The following ATP7B variants were observed in gnomAD, a reference collection of about 807,000 sequenced individuals.
The protein encoded by ATP7B is copper-transporting ATPase 2.
A neutral mutation model predicts 118.9 loss-of-function variants in ATP7B; 113 were observed. The observed-to-expected ratio is 0.95, with a 90% CI of 0.82 to 1.11. ATP7B has a LOEUF of 1.11. ATP7B is among the 50% of genes most tolerant of loss of function. ATP7B has a pLI of 0.00. For missense variants in ATP7B, 1,867 were observed against 1,871.4 expected (o/e 1.00, Z 0.04); for synonymous variants, 777 against 727.4 (o/e 1.07, Z -1.10).
chr13:51,958,155 T>G lies in ATP7B; in HGVS notation c.2355+156A>C, dbSNP rs188566058. 3.4e-5 allele frequency: 28 copies of G among 815,056 alleles called. No homozygotes were observed. In the East Asian group the frequency reaches 7.2e-4, roughly 21 times the overall value. The allele number at this position is 815,056 out of a possible 1,614,324, so 50.5% of individuals were successfully genotyped here. A position where few individuals can be genotyped will look rare whatever the true frequency, so the allele number is the denominator to read the frequency against. ...CAGAAGTAGTGACCAATTTGGAGATTAGTGACTAGAGCACCTTAATTATAT... is the reference window on the plus strand; with the variant it reads ...CAGAAGTAGTGACCAATTTGGAGATGAGTGACTAGAGCACCTTAATTATAT... On this transcript the variant is annotated intron_variant, in intron 8 of 20. Coordinates refer to ENST00000242839, the MANE Select transcript of ATP7B (RefSeq NM_000053.4).
At position 51,950,153 on chromosome 13, in the gene ATP7B, T is replaced by C. The variant is rs762128435; in HGVS notation, c.2584A>G (p.Met862Val). The C allele has an allele frequency of 1.2e-6, 2 of 1,614,216 alleles. No individual in the cohort carries two copies. The highest frequency in any genetic ancestry group is 2.2e-5 in the East Asian group (1 of 44,880). Residue 862 changes from methionine (M) to valine (V), a missense_variant, in exon 11 of 21, where the codon ATG (methionine) becomes GTG (valine). Physicochemically the swap from Met to Val is conservative, Grantham distance 21. Transcript: ENST00000242839. ...CTTCCGGGTTTCTTAGTGACTGGCATGGCTTCTCCTAGACGTAGGAAAGAG... is the reference window on the plus strand; with the variant it reads ...CTTCCGGGTTTCTTAGTGACTGGCACGGCTTCTCCTAGACGTAGGAAAGAG... Reference protein sequence around the residue: ...ADESLITGEAMPVTKKPGSTV... With the variant: ...ADESLITGEAVPVTKKPGSTV...
chr13:51,986,360 A>G (rs1952650215), intron 1 of ATP7B, among the ~76,000 whole-genome samples: 1 of 152,228 alleles, frequency 6.6e-6, no homozygotes, highest in Non-Finnish European at 1.5e-5. Context: ...CAAAGTCTAA[A>G]CTAGGAAGAA....
chr13:51,978,999 A>T lies in ATP7B; in HGVS notation c.52-3831T>A, dbSNP rs1052032093. ...GGCTCAGATGAGGCTGTTGGCAGGG[A>T]CCCGGTTCTCTTCCATGTGGCTTCT... On this transcript the variant is annotated intron_variant, in intron 1 of 20. Coordinates refer to ENST00000242839, the MANE Select transcript of ATP7B (RefSeq NM_000053.4). The T allele has an allele frequency of 3.9e-5, 6 of 152,270 alleles. 1 individual carries two copies. The highest frequency in any genetic ancestry group is 1.4e-4 in the African/African-American group (6 of 41,422). 9.4% of individuals were successfully genotyped at this position (152,270 alleles called of 1,614,324 possible).
intron 11 of ATP7B, 41 bp downstream of exon 11, chr13:51,949,966 A>G (rs761600447): frequency 6.2e-7 from 1 of 1,614,046 alleles, no homozygotes; most frequent in Non-Finnish European, 8.5e-7. Context: ...TAATTTCTAA[A>G]ACGAGAAAGA....
Position 51,958,535 on chromosome 13 carries a change from C to A in ATP7B, c.2131G>T (p.Gly711Trp), listed in dbSNP as rs1394999756. Residue 711 changes from glycine (G) to tryptophan (W), a missense_variant, in exon 8 of 21, where the codon GGG becomes TGG. Transcript: ENST00000242839. The stretch of plus-strand genomic sequence containing the variant: ...TAGGCCTGAACGTAGAAGTACCACC[C>A]ACCGAGGAGCTGAAAGACAAGGACA... The part of the protein sequence containing the change: ...ILCTFVQLLG[G>W]WYFYVQAYKS... The A allele has an allele frequency of 3.1e-6, 5 of 1,614,094 alleles. No homozygotes were observed. In the South Asian group the frequency reaches 3.3e-5, roughly 11 times the overall value.
At chr13:52,009,405 A>T (rs1364569985) in intron 1 of ATP7B, among the ~76,000 whole-genome samples, 1 of 152,112 alleles carries the variant, frequency 6.6e-6, no homozygotes, top group Non-Finnish European at 1.5e-5. Context: ...GCTACCTGTG[A>T]GGTTTCATCT....
At chr13:51,950,529 T>C in intron 9 of ATP7B, 130 bp from the exon 10 acceptor site, 2 of 1,357,254 alleles carry the variant, frequency 1.5e-6, no homozygotes. Context: ...GATCTGTTCA[T>C]TTACAGATAT....
intron 9 of ATP7B, among the ~76,000 whole-genome samples, chr13:51,957,311 T>G (rs1958414436): frequency 6.6e-6 from 1 of 152,192 alleles, no homozygotes; most frequent in Non-Finnish European, 1.5e-5. Context: ...CATGTGCCAT[T>G]TCGCACACAC....
intron 1 of ATP7B, among the ~76,000 whole-genome samples, chr13:51,989,322 G>C (rs1952803529): frequency 6.6e-6 from 1 of 152,134 alleles, no homozygotes; most frequent in Non-Finnish European, 1.5e-5. Context: ...TAAAAATGAA[G>C]GCATTCATTC....
chr13:51,994,827 C>T (rs1413290488), intron 1 of ATP7B, among the ~76,000 whole-genome samples: 1 of 152,160 alleles, frequency 6.6e-6, no homozygotes, highest in Non-Finnish European at 1.5e-5. Context: ...CCTGTACACA[C>T]CACCAGTCTG....
intron 20 of ATP7B, 143 bp downstream of exon 20, chr13:51,935,450 C>T: frequency 1.1e-6 from 1 of 916,696 alleles, no homozygotes; most frequent in Non-Finnish European, 1.7e-6. Context: ...TGCATGCACA[C>T]CAGGCTCCAT....
intron 20 of ATP7B, 106 bp downstream of exon 20, chr13:51,935,487 C>G (rs1295280512): frequency 8.0e-6 from 10 of 1,244,166 alleles, no homozygotes; most frequent in Non-Finnish European, 1.2e-5. Context: ...GCATTTGTCC[C>G]AGGTGAATGA....
chr13:51,935,435 T>C (rs1293287570), intron 20 of ATP7B, among the ~76,000 whole-genome samples, 158 bp downstream of exon 20: 1 of 152,204 alleles, frequency 6.6e-6, no homozygotes, highest in African/African-American at 2.4e-5. Context: ...TGCTGATAAG[T>C]TACATGCATG....
intron 1 of ATP7B, among the ~76,000 whole-genome samples, chr13:51,980,807 T>C (rs936114288): frequency 2.6e-5 from 4 of 152,206 alleles, no homozygotes; most frequent in Non-Finnish European, 5.9e-5. Context: ...TCAAGAATTC[T>C]TTCACTTTGA....
At chr13:51,993,425 T>C (rs906794038) in intron 1 of ATP7B, among the ~76,000 whole-genome samples, 6 of 151,898 alleles carry the variant, frequency 4.0e-5, no homozygotes, top group Non-Finnish European at 7.4e-5. Context: ...AAACTGGAAA[T>C]GGTGGCATGC....
Position 51,974,745 on chromosome 13 carries a change from T to G in ATP7B, c.475A>C (p.Ser159Arg). 2 of 1,614,106 alleles carry G rather than the reference T, an allele frequency of 1.2e-6. No homozygotes were observed. The highest frequency in any genetic ancestry group is 1.7e-6 in the Non-Finnish European group (2 of 1,179,988). ...TTCCGGACCTTGCCTTCAATGGAGC[T>G]GACACAGGACTGGCAGGTCATGCCC... ...VEGMTCQSCV[S>R]SIEGKVRKLQ... Residue 159 changes from serine to arginine, a missense_variant, in exon 2 of 21, where the codon AGC becomes CGC. Ser to Arg is a moderately radical substitution (Grantham distance 110). Transcript: ENST00000242839.
intron 1 of ATP7B, among the ~76,000 whole-genome samples, chr13:51,995,015 T>C (rs1953132848): frequency 6.6e-6 from 1 of 152,236 alleles, no homozygotes; most frequent in Non-Finnish European, 1.5e-5. Flanking sequence ...AGGTATACAC[T>C]ATAAAACATA....
At chr13:51,964,791 C>A in intron 5 of ATP7B, 81 bp downstream of exon 5, 2 of 1,501,700 alleles carry the variant, frequency 1.3e-6, no homozygotes, top group Non-Finnish European at 1.8e-6. Flanking sequence ...TTTTTCTTAG[C>A]TATATTTTCT....
chr13:52,005,714 T>C (rs1351608161), intron 1 of ATP7B, among the ~76,000 whole-genome samples: 2 of 152,212 alleles, frequency 1.3e-5, no homozygotes, highest in Non-Finnish European at 2.9e-5. Flanking sequence ...TCTTCCAGCC[T>C]CTACCCTTTA....
Sources: gnomAD v4.1 joint callset for allele counts (sites outside exome capture counted in the v4.1 genomes callset) on GRCh38, gnomAD v4.1.1 for gene constraint, MANE v1.5 for transcripts, NCBI Gene and HGNC (gene_info 2026-07-23, HGNC 2026-07-21) for gene names.